DTNB: variants seen among roughly 807,000 people sequenced by gnomAD.
DTNB encodes dystrobrevin beta.
Under a neutral mutation model 90.7 loss-of-function variants are expected in DTNB, and 63 were observed. The observed-to-expected ratio is 0.69, with a 90% confidence interval of 0.57 to 0.86. The LOEUF (loss-of-function observed/expected upper bound fraction) is 0.86. Among genes scored for constraint, DTNB ranks in the 40% least tolerant of loss-of-function variants. The pLI, the probability that DTNB is intolerant of heterozygous loss-of-function variation, is 0.00. For synonymous variants in DTNB, 277 were observed against 286.7 expected (o/e 0.97, Z 0.34); for missense variants, 744 against 807.1 (o/e 0.92, Z 0.95).
intron 9 of DTNB, among the ~76,000 whole-genome samples, chr2:25,527,620 T>C (rs2077415785): frequency 6.6e-6 from 1 of 152,154 alleles, no homozygotes; most frequent in Non-Finnish European, 1.5e-5. Flanking sequence ...CAATAAAATA[T>C]TATGAACGTT....
chr2:25,423,312 T>C (rs1432594603), intron 15 of DTNB, among the ~76,000 whole-genome samples: 1 of 152,220 alleles, frequency 6.6e-6, no homozygotes, highest in Non-Finnish European at 1.5e-5. Context: ...AGGAACTCAA[T>C]AGATTTTTGT....
intron 1 of DTNB, among the ~76,000 whole-genome samples, chr2:25,670,652 TAC>T (rs2085621123): frequency 6.6e-6 from 1 of 151,878 alleles, no homozygotes; most frequent in Non-Finnish European, 1.5e-5. Flanking sequence ...CTGGGCAGAA[TAC>T]AATCTACACA....
At chr2:25,416,894 T>C (rs2048133859) in intron 16 of DTNB, among the ~76,000 whole-genome samples, 1 of 152,056 alleles carries the variant, frequency 6.6e-6, no homozygotes, top group Non-Finnish European at 1.5e-5. Flanking sequence ...TAAATACGCC[T>C]ATGTTTTGGC....
chr2:25,672,172 C>G (rs1159565293), intron 1 of DTNB, among the ~76,000 whole-genome samples: 3 of 132,044 alleles, frequency 2.3e-5, no homozygotes, highest in African/African-American at 8.8e-5. Flanking sequence ...TTAACGTGCC[C>G]AGACCTCAGA....
intron 6 of DTNB, among the ~76,000 whole-genome samples, chr2:25,589,418 T>A (rs1193316583): frequency 1.5e-5 from 2 of 135,332 alleles, no homozygotes; most frequent in African/African-American, 2.8e-5. Flanking sequence ...TCTCACTCTG[T>A]CGCCCAGGCT....
At chr2:25,415,583 G>A (rs1231102504) in intron 16 of DTNB, among the ~76,000 whole-genome samples, 2 of 152,148 alleles carry the variant, frequency 1.3e-5, no homozygotes, top group Non-Finnish European at 2.9e-5. Flanking sequence ...TTGCCAGAAA[G>A]ACCACGGCAT....
At chr2:25,486,030 G>A (rs889268079) in intron 9 of DTNB, among the ~76,000 whole-genome samples, 10 of 151,948 alleles carry the variant, frequency 6.6e-5, no homozygotes, top group Non-Finnish European at 1.5e-4. Context: ...GTTGAGGCAG[G>A]AGAATAGCTT....
intron 12 of DTNB, among the ~76,000 whole-genome samples, chr2:25,442,093 T>G (rs1286376837): frequency 6.6e-6 from 1 of 152,218 alleles, no homozygotes; most frequent in Non-Finnish European, 1.5e-5. Context: ...TCGCCTAAAG[T>G]GTCAACAACA....
intron 8 of DTNB, among the ~76,000 whole-genome samples, chr2:25,539,704 G>T (rs1229526539): frequency 6.7e-6 from 1 of 149,184 alleles, no homozygotes; most frequent in Non-Finnish European, 1.5e-5. Context: ...CTATGTTTTT[G>T]ATGAACATCT....
rs149958217 is a variant in DTNB, at chr2:25,631,025, A to G, written c.149-2641T>C. On this transcript the variant is annotated intron_variant, in intron 3 of 20. Coordinates refer to ENST00000406818, the MANE Select transcript of DTNB (RefSeq NM_021907.5). ...AGGCAAATCCATTAAAAAAAAGTAT[A>G]TTAGTAGCTGCCAGAGCTGGGAGAT... 5.1e-3 allele frequency among the ~76,000 whole-genome samples: 779 copies of G among 152,210 alleles called. 5 individuals carry two copies. Among genetic ancestry groups the G allele is most frequent in the African/African-American group, 0.018 (734 of 41,536 alleles).
At chr2:25,622,828 A>T (rs2073105808) in intron 4 of DTNB, among the ~76,000 whole-genome samples, 1 of 152,212 alleles carries the variant, frequency 6.6e-6, no homozygotes, top group African/African-American at 2.4e-5. Context: ...TTTAAAACTA[A>T]GAATAAACAT....
chr2:25,522,097 T>A (rs1040737030), intron 9 of DTNB, among the ~76,000 whole-genome samples: 3 of 152,228 alleles, frequency 2.0e-5, no homozygotes, highest in African/African-American at 7.2e-5. Flanking sequence ...CATCCAGAGG[T>A]AGACGTGGTA....
At chr2:25,593,191 G>A (rs747209524) in intron 6 of DTNB, among the ~76,000 whole-genome samples, 1 of 152,170 alleles carries the variant, frequency 6.6e-6, no homozygotes, top group African/African-American at 2.4e-5. Flanking sequence ...TCTTAAAATA[G>A]TCATACTTTC....
chr2:25,535,148 G>T (rs2079196052), intron 8 of DTNB, among the ~76,000 whole-genome samples: 1 of 148,982 alleles, frequency 6.7e-6, no homozygotes, highest in Non-Finnish European at 1.5e-5. Context: ...CCCATTCGGG[G>T]CAACCGGGCA....
At chr2:25,628,015 T>C (rs992573949) in intron 4 of DTNB, among the ~76,000 whole-genome samples, 156 bp downstream of exon 4, 6 of 152,208 alleles carry the variant, frequency 3.9e-5, no homozygotes, top group Admixed American at 6.5e-5. Context: ...GGACTACAGC[T>C]GTGAGCTACC....
chr2:25,585,262 T>C (rs533374139), intron 6 of DTNB, among the ~76,000 whole-genome samples: 112 of 152,338 alleles, frequency 7.4e-4, no homozygotes, highest in African/African-American at 2.6e-3. Context: ...CATCTGTTTT[T>C]TCACTTAACG....
chr2:25,548,529 G>A (rs887490896), intron 8 of DTNB, among the ~76,000 whole-genome samples: 13 of 152,058 alleles, frequency 8.5e-5, no homozygotes, highest in African/African-American at 3.1e-4. Context: ...TCTGGGGAAT[G>A]GGCTCTCCAA....
intron 5 of DTNB, among the ~76,000 whole-genome samples, chr2:25,604,719 A>G (rs547013768): frequency 2.5e-4 from 38 of 152,196 alleles, no homozygotes; most frequent in African/African-American, 8.9e-4. Context: ...CCTCCCGAGT[A>G]GCTGGGATTA....
intron 6 of DTNB, among the ~76,000 whole-genome samples, chr2:25,588,727 C>T (rs1009747672): frequency 1.3e-5 from 2 of 152,086 alleles, no homozygotes; most frequent in Non-Finnish European, 2.9e-5. Context: ...GTTGAAGTGA[C>T]AACAAATGAT....
Sources: gnomAD v4.1 joint callset for allele counts (sites outside exome capture counted in the v4.1 genomes callset) on GRCh38, gnomAD v4.1.1 for gene constraint, MANE v1.5 for transcripts, NCBI Gene and HGNC (gene_info 2026-07-23, HGNC 2026-07-21) for gene names.